Variants in FAF1 observed in about 807,000 individuals in gnomAD.
The protein encoded by FAF1 is Fas associated factor 1.
Under a neutral mutation model 92.5 loss-of-function variants are expected in FAF1, and 25 were observed. The observed-to-expected ratio is 0.27, with a 90% confidence interval of 0.20 to 0.38. The LOEUF is 0.38. Ranked by LOEUF, FAF1 falls within the 10% of genes least tolerant of loss-of-function variation. The pLI is 1.00. For missense variants in FAF1, 636 were observed against 793.3 expected, an observed-to-expected ratio of 0.80 and a Z score of 2.38; for synonymous variants, 234 against 273.2, an observed-to-expected ratio of 0.86 and a Z score of 1.42.
chr1:50,839,936 T>C (rs960157850), intron 2 of FAF1, among the ~76,000 whole-genome samples: 1 of 152,024 alleles, frequency 6.6e-6, no homozygotes, highest in African/African-American at 2.4e-5. Context: ...CTCAAAGCCA[T>C]AGCATAATAT....
At chr1:50,719,204 C>T (rs919605069) in intron 6 of FAF1, among the ~76,000 whole-genome samples, 7 of 152,158 alleles carry the variant, frequency 4.6e-5, no homozygotes, top group Admixed American at 2.6e-4. Context: ...GCTCTCATCA[C>T]AACTGAAACT....
At chr1:50,713,638 T>TA (rs966209313) in intron 6 of FAF1, among the ~76,000 whole-genome samples, 19 of 151,272 alleles carry the variant, frequency 1.3e-4, no homozygotes, top group South Asian at 1.0e-3. Context: ...TAGAACCTTT[T>TA]AAAAAAAAAC....
chr1:50,634,876 AC>A (rs1653938944), intron 8 of FAF1, among the ~76,000 whole-genome samples: 4 of 152,234 alleles, frequency 2.6e-5, no homozygotes. Context: ...GATTACAAGC[AC>A]TAGGCAGAAA....
At chr1:50,464,228 A>G (rs556639711) in intron 18 of FAF1, among the ~76,000 whole-genome samples, 1 of 152,054 alleles carries the variant, frequency 6.6e-6, no homozygotes, top group South Asian at 2.1e-4. Flanking sequence ...GCTGGTCTTG[A>G]ACTCCTGGGC....
At chr1:50,551,486 T>A (rs1410110786) in intron 13 of FAF1, among the ~76,000 whole-genome samples, 2 of 152,212 alleles carry the variant, frequency 1.3e-5, no homozygotes, top group African/African-American at 2.4e-5. Flanking sequence ...ACCATGATTT[T>A]AAAATGTACA....
intron 18 of FAF1, among the ~76,000 whole-genome samples, chr1:50,466,011 C>T (rs72898923): frequency 0.085 from 12,888 of 151,694 alleles, 582 homozygotes; most frequent in East Asian, 0.094. Context: ...TTACAGGGTT[C>T]GAAAAGAGAA....
At chr1:50,753,982 T>C (rs1261558831) in intron 4 of FAF1, among the ~76,000 whole-genome samples, 5 of 152,066 alleles carry the variant, frequency 3.3e-5, no homozygotes, top group Non-Finnish European at 7.4e-5. Context: ...GGTCTCGATC[T>C]CCTGATCTCG....
At chr1:50,735,218 T>C (rs1557500544) in intron 6 of FAF1, among the ~76,000 whole-genome samples, 2 of 152,202 alleles carry the variant, frequency 1.3e-5, no homozygotes, top group East Asian at 1.9e-4. Flanking sequence ...TAATTAACAG[T>C]TTGTTTTCTC....
At chr1:50,732,032 T>C (rs1166207745) in intron 6 of FAF1, among the ~76,000 whole-genome samples, 1 of 152,174 alleles carries the variant, frequency 6.6e-6, no homozygotes, top group South Asian at 2.1e-4. Context: ...AAATCTTCTA[T>C]AGCTGACAAA....
chr1:50,819,668 A>ACACACACACT (rs1484881359), intron 2 of FAF1, among the ~76,000 whole-genome samples: 10 of 118,896 alleles, frequency 8.4e-5, no homozygotes, highest in Non-Finnish European at 1.5e-4. Context: ...ACACACACAC[A>ACACACACACT]CTCTCTCTCT....
chr1:50,616,757 T>C (rs746134065), intron 8 of FAF1, among the ~76,000 whole-genome samples: 11 of 151,782 alleles, frequency 7.2e-5, no homozygotes, highest in Non-Finnish European at 1.5e-4. Context: ...CTTGGCTCAC[T>C]GCAACCTCCA....
At chr1:50,546,993 ATCC>A (rs1649049848) in intron 13 of FAF1, among the ~76,000 whole-genome samples, 1 of 152,004 alleles carries the variant, frequency 6.6e-6, no homozygotes, top group Non-Finnish European at 1.5e-5. Flanking sequence ...GGCTCCAGTG[ATCC>A]TCCTACCTCA....
At chr1:50,870,386 G>C (rs112070711) in intron 1 of FAF1, among the ~76,000 whole-genome samples, 1 of 152,220 alleles carries the variant, frequency 6.6e-6, no homozygotes, top group Non-Finnish European at 1.5e-5. Flanking sequence ...GAACGCGCGA[G>C]GCACAAGTTG....
intron 7 of FAF1, among the ~76,000 whole-genome samples, chr1:50,696,773 T>A (rs894667926): frequency 1.3e-5 from 2 of 152,196 alleles, no homozygotes; most frequent in Non-Finnish European, 2.9e-5. Flanking sequence ...TCACGCTTCC[T>A]TCATTCTTTT....
At chr1:50,490,368 G>A (rs899646017) in intron 17 of FAF1, among the ~76,000 whole-genome samples, 8 of 145,970 alleles carry the variant, frequency 5.5e-5, no homozygotes, top group Admixed American at 1.4e-4. Flanking sequence ...GTGACAGAGC[G>A]AAGACTCTAT....
intron 9 of FAF1, among the ~76,000 whole-genome samples, chr1:50,585,869 T>G (rs1651202336): frequency 7.2e-6 from 1 of 139,638 alleles, no homozygotes; most frequent in Admixed American, 7.3e-5. Context: ...TGGCCAGATC[T>G]CATCTCTACA....
At chr1:50,465,112 T>C (rs1269258079) in intron 18 of FAF1, among the ~76,000 whole-genome samples, 1 of 152,238 alleles carries the variant, frequency 6.6e-6, no homozygotes, top group African/African-American at 2.4e-5. Context: ...ACAGAAAGAA[T>C]CACTACCGTC....
chr1:50,816,231 G>A (rs1643972912), intron 2 of FAF1, among the ~76,000 whole-genome samples: 2 of 130,418 alleles, frequency 1.5e-5, no homozygotes, highest in East Asian at 4.6e-4. Context: ...TTGAGACGGA[G>A]TCTTGCTCTG....
chr1:50,686,860 A>G (rs1301480343), intron 7 of FAF1, among the ~76,000 whole-genome samples: 2 of 152,118 alleles, frequency 1.3e-5, no homozygotes, highest in Middle Eastern at 3.4e-3. Flanking sequence ...ACAGCACCAC[A>G]TTCTGTCGCC....
Sources: allele counts gnomAD v4.1 joint callset (sites outside exome capture counted in the v4.1 genomes callset), GRCh38; gene constraint gnomAD v4.1.1; transcripts MANE v1.5; gene names NCBI Gene and HGNC (gene_info 2026-07-23, HGNC 2026-07-21).